The following PRKAG2 variants were observed in gnomAD, a reference collection of about 807,000 sequenced individuals.
PRKAG2 encodes the protein 5'-AMP-activated protein kinase subunit gamma-2.
A neutral mutation model predicts 69.6 loss-of-function variants in PRKAG2; 26 were observed. That is an observed-to-expected ratio of 0.37 (90% CI 0.27 to 0.52). The LOEUF (loss-of-function observed/expected upper bound fraction) is 0.52, where lower values mean the gene tolerates loss of function less well. Among genes scored for constraint, PRKAG2 ranks in the 20% least tolerant of loss-of-function variants. The pLI, the probability that PRKAG2 is intolerant of heterozygous loss-of-function variation, is 0.90. For synonymous variants in PRKAG2, 293 were observed against 285.0 expected (o/e 1.03, Z -0.28); for missense variants, 557 against 740.0 (o/e 0.75, Z 2.87).
Position 151,659,189 on chromosome 7 carries a change from G to A in PRKAG2, c.684+16231C>T, listed in dbSNP as rs998483148. Among the ~76,000 whole-genome samples the A allele has an allele frequency of 6.6e-5, 10 of 152,182 alleles. No homozygotes were observed. In the South Asian group the frequency reaches 8.3e-4, roughly 13 times the overall value. On this transcript the variant is annotated intron_variant, in intron 4 of 15. Coordinates refer to ENST00000287878, the MANE Select transcript of PRKAG2 (RefSeq NM_016203.4). Reference sequence around the variant, plus strand: ...CCATCTTCTGACATTGGATCTAGGCGGTTTATTTAAAAAGCTGGGTCTTTA... The same window carrying A: ...CCATCTTCTGACATTGGATCTAGGCAGTTTATTTAAAAAGCTGGGTCTTTA...
chr7:151,641,691 C>T (rs1229260768), intron 4 of PRKAG2, among the ~76,000 whole-genome samples: 3 of 150,144 alleles, frequency 2.0e-5, no homozygotes, highest in Non-Finnish European at 3.0e-5. Context: ...AGTGCCAGCA[C>T]GTGCCACCAT....
At chr7:151,723,960 G>A (rs537668151) in intron 3 of PRKAG2, among the ~76,000 whole-genome samples, 6 of 152,214 alleles carry the variant, frequency 3.9e-5, no homozygotes, top group South Asian at 4.2e-4. Context: ...GATCAACCCC[G>A]GTTCCAGCTG....
At position 151,769,058 on chromosome 7, in the gene PRKAG2, T is replaced by G. The variant is rs188805697; in HGVS notation, c.466+12094A>C. Among the ~76,000 whole-genome samples the G allele has an allele frequency of 1.6e-4, 25 of 152,304 alleles. No individual in the cohort carries two copies. The East Asian group carries it at 4.6e-3, about 28-fold the overall frequency. On this transcript the variant is annotated intron_variant, in intron 3 of 15. Coordinates refer to ENST00000287878, the MANE Select transcript of PRKAG2 (RefSeq NM_016203.4). Reference sequence around the variant, plus strand: ...GCAGGGAGCAATGATGCTATCTGGTTTTACCAAAGGGCTGTGTCAGCTGTG... The same window carrying G: ...GCAGGGAGCAATGATGCTATCTGGTGTTACCAAAGGGCTGTGTCAGCTGTG...
rs558776436 is a variant in PRKAG2, at chr7:151,788,086, AC to A, written c.115-1546del. Among the ~76,000 whole-genome samples the A allele has an allele frequency of 1.7e-3, 264 of 152,302 alleles. 1 individual carries two copies. The highest frequency in any genetic ancestry group is 6.0e-3 in the African/African-American group (251 of 41,564). On this transcript the variant is annotated intron_variant, in intron 1 of 15. Transcript: ENST00000287878. This position sits in a 1 kb window ranked among gnomAD's most constrained non-coding sequence, Gnocchi z 4.6. ...ATAGGTGTACGAATATCTCTTCAGG[AC>A]CCTGCTTTCAATTCTTTCCAGTTAT... is the stretch of plus-strand genomic sequence containing the variant.
At chr7:151,627,469 T>C (rs962853726) in intron 5 of PRKAG2, among the ~76,000 whole-genome samples, 7 of 151,756 alleles carry the variant, frequency 4.6e-5, no homozygotes, top group African/African-American at 1.5e-4. Context: ...CTACTAAAAA[T>C]ACAAAAATTA....
intron 3 of PRKAG2, among the ~76,000 whole-genome samples, chr7:151,684,374 G>C (rs1338816762): frequency 6.6e-6 from 1 of 152,202 alleles, no homozygotes; most frequent in Non-Finnish European, 1.5e-5. Context: ...AAGCAGCTGA[G>C]CTCTGGGGCC....
chr7:151,621,435 C>T (rs1395835602), intron 5 of PRKAG2, among the ~76,000 whole-genome samples: 1 of 152,132 alleles, frequency 6.6e-6, no homozygotes, highest in East Asian at 1.9e-4. Context: ...GTAATCTCAG[C>T]ACTTCGGGAG....
At chr7:151,675,731 G>A in intron 3 of PRKAG2, 94 bp from the exon 4 acceptor site, 1 of 1,260,468 alleles carries the variant, frequency 7.9e-7, no homozygotes, top group Non-Finnish European at 1.2e-6. Flanking sequence ...AGGGAGATGG[G>A]GAGAGGTCAG....
At chr7:151,564,917 A>G (rs182919610) in intron 13 of PRKAG2, among the ~76,000 whole-genome samples, 2 of 152,300 alleles carry the variant, frequency 1.3e-5, no homozygotes, top group Non-Finnish European at 2.9e-5. Context: ...ATTTGGGGCT[A>G]TAAAGTGTCA....
chr7:151,855,114 A>C (rs35326922), intron 1 of PRKAG2, among the ~76,000 whole-genome samples: 287 of 11,444 alleles, frequency 0.025, 36 homozygotes, highest in African/African-American at 0.088. Context: ...ACACCACCCT[A>C]CACACACACC....
At chr7:151,680,788 C>T (rs1311227909) in intron 3 of PRKAG2, among the ~76,000 whole-genome samples, 4 of 152,210 alleles carry the variant, frequency 2.6e-5, no homozygotes, top group Admixed American at 6.5e-5. Context: ...GTGTCTCCCA[C>T]GAGGACCAGG....
chr7:151,611,420 G>A (rs1327182933), intron 5 of PRKAG2, among the ~76,000 whole-genome samples: 1 of 152,204 alleles, frequency 6.6e-6, no homozygotes, highest in Non-Finnish European at 1.5e-5. Flanking sequence ...TCCAGGATCC[G>A]TTCCTCAGCT....
chr7:151,809,821 TAA>T (rs750077881), intron 1 of PRKAG2: 2 of 153,086 alleles, frequency 1.3e-5, no homozygotes, highest in South Asian at 4.1e-4. Flanking sequence ...AGAATATTTC[TAA>T]AAGTGTCCTG....
chr7:151,827,330 C>A (rs923770343), intron 1 of PRKAG2, among the ~76,000 whole-genome samples: 14 of 152,142 alleles, frequency 9.2e-5, no homozygotes, highest in Non-Finnish European at 1.2e-4. Context: ...CCTCTGCCTC[C>A]CAGGTTCAAG....
At chr7:151,622,235 C>T (rs983152200) in intron 5 of PRKAG2, among the ~76,000 whole-genome samples, 6 of 152,214 alleles carry the variant, frequency 3.9e-5, no homozygotes, top group Non-Finnish European at 8.8e-5. Context: ...GTTTGAGACT[C>T]TGACAAAAGG....
chr7:151,722,978 A>G (rs1047073829), intron 3 of PRKAG2, among the ~76,000 whole-genome samples: 1 of 152,122 alleles, frequency 6.6e-6, no homozygotes, highest in Non-Finnish European at 1.5e-5. Context: ...GGAAAACGGA[A>G]GGCTGCAGAC....
chr7:151,825,098 C>T (rs1247612657), intron 1 of PRKAG2, among the ~76,000 whole-genome samples: 2 of 152,104 alleles, frequency 1.3e-5, no homozygotes, highest in African/African-American at 4.8e-5. Context: ...CGTGTAATCT[C>T]AGCTACTCAG....
In PRKAG2 at chr7:151,557,941, C is replaced by G. The variant is rs922644260; in HGVS notation, c.1679-709G>C. 3.0e-6 allele frequency: 3 copies of G among 983,940 alleles called. No homozygotes were observed. The Admixed American group carries it at 1.8e-4, about 61-fold the overall frequency. 61.0% of individuals were successfully genotyped at this position (983,940 alleles called of 1,614,324 possible). On this transcript the variant is annotated intron_variant, in intron 15 of 15. Transcript: ENST00000287878. ...TAAATATTCTGAAGGATAATTGCAC[C>G]TAACAAGTATCTGGCTAGGACATTC...
chr7:151,648,502 G>A (rs1827932942), intron 4 of PRKAG2, among the ~76,000 whole-genome samples: 2 of 152,092 alleles, frequency 1.3e-5, no homozygotes, highest in African/African-American at 2.4e-5. Context: ...TGCTAGGAGG[G>A]GCCGGTGTCT....
Sources: gnomAD v4.1 joint callset for allele counts (sites outside exome capture counted in the v4.1 genomes callset) on GRCh38, gnomAD v4.1.1 for gene constraint, Gnocchi (gnomAD v3.1) non-coding constraint, MANE v1.5 for transcripts, NCBI Gene and HGNC (gene_info 2026-07-23, HGNC 2026-07-21) for gene names.